Variants in CNTNAP2 observed in about 807,000 individuals in gnomAD.
CNTNAP2 encodes contactin-associated protein-like 2.
A neutral mutation model predicts 155.2 loss-of-function variants in CNTNAP2; 98 were observed. That is an observed-to-expected ratio of 0.63 (90% CI 0.54 to 0.75). The LOEUF is 0.75. Ranked by LOEUF, CNTNAP2 falls within the 30% of genes least tolerant of loss-of-function variation. The probability of loss-of-function intolerance (pLI) is 0.00; values close to 1 mark genes in which losing one functional copy is unlikely to be tolerated. For synonymous variants in CNTNAP2, 651 were observed against 631.2 expected (o/e 1.03, Z -0.47); for missense variants, 1,727 against 1,688.1 (o/e 1.02, Z -0.40).
At chr7:147,667,638 C>A (rs1004734855) in intron 13 of CNTNAP2, among the ~76,000 whole-genome samples, 2 of 151,974 alleles carry the variant, frequency 1.3e-5, no homozygotes, top group Non-Finnish European at 2.9e-5. Context: ...TGGTGATGGT[C>A]CCACACATGC....
chr7:147,885,496 G>C (rs1799587652), intron 13 of CNTNAP2, among the ~76,000 whole-genome samples: 1 of 152,062 alleles, frequency 6.6e-6, no homozygotes, highest in Non-Finnish European at 1.5e-5. Context: ...TTTGACTACA[G>C]ATTCATTCAG....
At chr7:148,172,093 C>T in intron 17 of CNTNAP2, 149 bp from the exon 18 acceptor site, 1 of 798,404 alleles carries the variant, frequency 1.3e-6, no homozygotes, top group Non-Finnish European at 2.1e-6. Flanking sequence ...AAAGCTTCAA[C>T]TTTCTCTATT....
chr7:147,934,465 G>A (rs1800568689), intron 14 of CNTNAP2, among the ~76,000 whole-genome samples: 1 of 152,140 alleles, frequency 6.6e-6, no homozygotes, highest in Non-Finnish European at 1.5e-5. Flanking sequence ...GCATGGGAAA[G>A]ACCTGCCCCC....
intron 9 of CNTNAP2, among the ~76,000 whole-genome samples, chr7:147,352,694 A>G (rs1795987130): frequency 6.6e-6 from 1 of 151,910 alleles, no homozygotes; most frequent in African/African-American, 2.4e-5. Context: ...TAGAATTCTC[A>G]TTGTTAATTT....
chr7:146,740,616 C>G (rs890393339), intron 1 of CNTNAP2, among the ~76,000 whole-genome samples: 1 of 152,094 alleles, frequency 6.6e-6, no homozygotes, highest in Non-Finnish European at 1.5e-5. Context: ...AGGCATAGTT[C>G]TGGGGCGCAT....
At chr7:148,036,298 A>C (rs1802572603) in intron 15 of CNTNAP2, among the ~76,000 whole-genome samples, 1 of 152,114 alleles carries the variant, frequency 6.6e-6, no homozygotes, top group South Asian at 2.1e-4. Context: ...ATAATTTGAA[A>C]CTGTTCCCCA....
chr7:146,419,388 C>A (rs1419454767), intron 1 of CNTNAP2, among the ~76,000 whole-genome samples: 2 of 152,030 alleles, frequency 1.3e-5, no homozygotes, highest in African/African-American at 2.4e-5. Context: ...GGGACACAGC[C>A]AAACCATATC....
intron 15 of CNTNAP2, among the ~76,000 whole-genome samples, chr7:148,047,885 A>C (rs1802801827): frequency 6.6e-6 from 1 of 152,168 alleles, no homozygotes; most frequent in African/African-American, 2.4e-5. Flanking sequence ...ATAGATGGCA[A>C]CTGGCATTTA....
chr7:146,881,526 G>A (rs1024216103), intron 3 of CNTNAP2, among the ~76,000 whole-genome samples: 10 of 151,932 alleles, frequency 6.6e-5, no homozygotes, highest in African/African-American at 2.4e-4. Context: ...GTGAGGAGGT[G>A]GGGGTCAAGA....
At chr7:147,670,307 A>T (rs1393629201) in intron 13 of CNTNAP2, among the ~76,000 whole-genome samples, 3 of 152,106 alleles carry the variant, frequency 2.0e-5, no homozygotes, top group Admixed American at 2.0e-4. Context: ...TTCGCCAGGG[A>T]TGTGAATGCC....
rs151197478 is a variant in CNTNAP2 at position 146,726,042 on chromosome 7, A to G, written c.98-48229A>G. Among the ~76,000 whole-genome samples, 9 of 152,302 alleles carry G rather than the reference A, an allele frequency of 5.9e-5. No homozygotes were observed. The East Asian group carries it at 1.7e-3, about 29-fold the overall frequency. The stretch of plus-strand genomic sequence containing the variant: ...TGGTCAGTTATACTAGGCTTTCAAC[A>G]TACTTTGGGTGGACACAATAAGGAC... On this transcript the variant is annotated intron_variant, in intron 1 of 23. Coordinates refer to ENST00000361727, the MANE Select transcript of CNTNAP2 (RefSeq NM_014141.6).
intron 3 of CNTNAP2, among the ~76,000 whole-genome samples, chr7:146,935,996 A>T (rs1370453282): frequency 2.0e-5 from 3 of 152,158 alleles, no homozygotes; most frequent in African/African-American, 7.2e-5. Flanking sequence ...CATCTCCAGA[A>T]TGTCAGGTAG....
intron 1 of CNTNAP2, among the ~76,000 whole-genome samples, chr7:146,469,942 C>G (rs574825525): frequency 6.6e-6 from 1 of 151,592 alleles, no homozygotes; most frequent in African/African-American, 2.4e-5. Context: ...CGGGTTCACG[C>G]GGTTCTCCTG....
intron 2 of CNTNAP2, among the ~76,000 whole-genome samples, chr7:146,799,248 A>G (rs993087874): frequency 6.6e-6 from 1 of 152,204 alleles, no homozygotes; most frequent in Non-Finnish European, 1.5e-5. Flanking sequence ...TCCCTTGACT[A>G]AAAATGAGTT....
intron 1 of CNTNAP2, among the ~76,000 whole-genome samples, chr7:146,500,180 A>C (rs1356247650): frequency 1.3e-5 from 2 of 152,186 alleles, no homozygotes; most frequent in East Asian, 3.8e-4. Context: ...TCATCTGAGA[A>C]TAGGTGTTAC....
intron 1 of CNTNAP2, among the ~76,000 whole-genome samples, chr7:146,502,585 T>C (rs1450192652): frequency 6.6e-6 from 1 of 152,052 alleles, no homozygotes; most frequent in East Asian, 1.9e-4. Flanking sequence ...TCATTTTAAG[T>C]GGAGTGAGAT....
chr7:148,065,810 C>T (rs1186193946), intron 15 of CNTNAP2, among the ~76,000 whole-genome samples: 1 of 152,146 alleles, frequency 6.6e-6, no homozygotes. Flanking sequence ...ATGAGGTACT[C>T]TTCTATTTAT....
intron 1 of CNTNAP2, among the ~76,000 whole-genome samples, chr7:146,562,564 G>T (rs1197323697): frequency 6.6e-6 from 1 of 152,074 alleles, no homozygotes; most frequent in Non-Finnish European, 1.5e-5. Flanking sequence ...AAGAAATATT[G>T]ATTAAATTTA....
chr7:148,312,601 C>A (rs1181659677), intron 21 of CNTNAP2, among the ~76,000 whole-genome samples: 1 of 152,110 alleles, frequency 6.6e-6, no homozygotes, highest in Non-Finnish European at 1.5e-5. Flanking sequence ...ATGGGTTTGG[C>A]ACCACAGGGT....
Sources: gnomAD v4.1 joint callset for allele counts (sites outside exome capture counted in the v4.1 genomes callset) on GRCh38, gnomAD v4.1.1 for gene constraint, MANE v1.5 for transcripts, NCBI Gene and HGNC (gene_info 2026-07-23, HGNC 2026-07-21) for gene names.